The following MIPOL1 variants were observed in gnomAD, a reference collection of about 807,000 sequenced individuals.
The protein encoded by MIPOL1 is mirror-image polydactyly 1.
Under a neutral mutation model 60.9 loss-of-function variants are expected in MIPOL1, and 57 were observed. That is an observed-to-expected ratio of 0.94 (90% CI 0.76 to 1.17). MIPOL1 has a LOEUF of 1.17. Among genes scored for constraint, MIPOL1 ranks in the 50% most tolerant of loss-of-function variants. The probability of loss-of-function intolerance (pLI) is 0.00; values close to 1 mark genes in which losing one functional copy is unlikely to be tolerated. For synonymous variants in MIPOL1, 179 were observed against 168.8 expected (o/e 1.06, Z -0.47); for missense variants, 551 against 511.6 (o/e 1.08, Z -0.74).
intron 7 of MIPOL1, among the ~76,000 whole-genome samples, chr14:37,295,715 G>A (rs1257755372): frequency 2.0e-5 from 3 of 152,046 alleles, no homozygotes; most frequent in Admixed American, 1.3e-4. Flanking sequence ...GAAGGCCATT[G>A]CATAATGGTA....
At chr14:37,525,759 T>C (rs1443169582) in intron 12 of MIPOL1, among the ~76,000 whole-genome samples, 2 of 152,188 alleles carry the variant, frequency 1.3e-5, no homozygotes, top group Non-Finnish European at 2.9e-5. Flanking sequence ...ATAAAAGTAC[T>C]TTTTGTTTTT....
chr14:37,250,085 G>A (rs1396660960), intron 3 of MIPOL1, among the ~76,000 whole-genome samples: 1 of 152,126 alleles, frequency 6.6e-6, no homozygotes, highest in Non-Finnish European at 1.5e-5. Context: ...TGAAGATACA[G>A]ATGCATAGAC....
intron 10 of MIPOL1, among the ~76,000 whole-genome samples, chr14:37,379,657 A>G (rs997756153): frequency 2.6e-5 from 4 of 152,118 alleles, no homozygotes; most frequent in African/African-American, 9.7e-5. Context: ...AAGTATCAGA[A>G]CAGGCATATT....
At chr14:37,471,797 C>T (rs992891753) in intron 11 of MIPOL1, among the ~76,000 whole-genome samples, 1 of 152,058 alleles carries the variant, frequency 6.6e-6, no homozygotes, top group African/African-American at 2.4e-5. Flanking sequence ...TTTTCATCCA[C>T]CCTCCTTCAA....
intron 9 of MIPOL1, among the ~76,000 whole-genome samples, chr14:37,309,320 T>C (rs987651157): frequency 6.6e-6 from 1 of 151,928 alleles, no homozygotes; most frequent in Non-Finnish European, 1.5e-5. Context: ...TACCTCCAGC[T>C]CTGAAACTCA....
At position 37,430,215 on chromosome 14, in the gene MIPOL1, G is replaced by T. The variant is rs572472432; in HGVS notation, c.1031+7266G>T. Among the ~76,000 whole-genome samples, 779 of 151,796 alleles carry T rather than the reference G, an allele frequency of 5.1e-3. 4 individuals are homozygous for T. Among genetic ancestry groups the T allele is most frequent in the African/African-American group, 0.017 (691 of 41,450 alleles). On this transcript the variant is annotated intron_variant, in intron 11 of 12. Coordinates refer to ENST00000684589, the MANE Select transcript of MIPOL1 (RefSeq NM_001388067.1). ...TTTGGCATTAATCAGATTTTTTTTT[G>T]ATTACCGTAGACAAGTTTCAACTTT...
chr14:37,223,652 A>C (rs913959873), intron 1 of MIPOL1, among the ~76,000 whole-genome samples: 2 of 151,728 alleles, frequency 1.3e-5, no homozygotes, highest in Non-Finnish European at 2.9e-5. Flanking sequence ...ACAGGCATGT[A>C]CCACCACGCC....
At chr14:37,375,761 T>G (rs2092759678) in intron 10 of MIPOL1, among the ~76,000 whole-genome samples, 1 of 151,922 alleles carries the variant, frequency 6.6e-6, no homozygotes, top group African/African-American at 2.4e-5. Flanking sequence ...CTTCTCTTTC[T>G]TTTCTTTCTT....
intron 9 of MIPOL1, among the ~76,000 whole-genome samples, chr14:37,330,980 A>G (rs998733462): frequency 6.6e-6 from 1 of 152,128 alleles, no homozygotes; most frequent in Non-Finnish European, 1.5e-5. Flanking sequence ...TCCTTATGTC[A>G]AAAATGAGTG....
rs546807362 is a variant in MIPOL1, at chr14:37,432,320, A to G, written c.1031+9371A>G. ...GAATATGTGTCTTAACTCCCCTACT[A>G]GTGCTTCTGTTCTTTATGTATAGCA... On this transcript the variant is annotated intron_variant, in intron 11 of 12. Transcript: ENST00000684589. Among the ~76,000 whole-genome samples, 3 of 152,292 alleles carry G rather than the reference A, an allele frequency of 2.0e-5. No individual in the cohort carries two copies. The South Asian group carries it at 6.2e-4, about 32-fold the overall frequency.
intron 6 of MIPOL1, among the ~76,000 whole-genome samples, chr14:37,279,709 T>G (rs997242072): frequency 6.6e-6 from 1 of 152,146 alleles, no homozygotes; most frequent in African/African-American, 2.4e-5. Flanking sequence ...ATGTGATGTT[T>G]CAGTACATGT....
Position 37,488,941 on chromosome 14 carries a change from T to G in MIPOL1, c.1032-10967T>G, listed in dbSNP as rs530697235. Among the ~76,000 whole-genome samples, 484 of 152,286 alleles carry G rather than the reference T, an allele frequency of 3.2e-3. 2 individuals are homozygous for G. Among genetic ancestry groups the G allele is most frequent in the African/African-American group, 0.011 (459 of 41,558 alleles). On this transcript the variant is annotated intron_variant, in intron 11 of 12. Coordinates refer to ENST00000684589, the MANE Select transcript of MIPOL1 (RefSeq NM_001388067.1). ...TTGGGGTTGCTCTTCTCAAGGAATA[T>G]CTTTGTGGTGTTCTCTGTATTTTTT...
chr14:37,547,861 A>G lies in MIPOL1; in HGVS notation c.*890A>G, dbSNP rs1471627157. 6.6e-6 allele frequency: 1 copy of G among 152,082 alleles called. No homozygotes were observed. Among genetic ancestry groups the G allele is most frequent in the African/African-American group, 2.4e-5 (1 of 41,450 alleles). 9.4% of individuals were successfully genotyped at this position (152,082 alleles called of 1,614,324 possible). A position where few individuals can be genotyped will look rare whatever the true frequency, so the allele number is the denominator to read the frequency against. On this transcript the variant is annotated 3_prime_UTR_variant, in exon 13 of 13. Transcript: ENST00000684589. Reference sequence around the variant, plus strand: ...TTATTGTGGAGGAGGAGGATCTAATATATAATATTCAATACAATTGTAATG... The same window carrying G: ...TTATTGTGGAGGAGGAGGATCTAATGTATAATATTCAATACAATTGTAATG...
At chr14:37,343,319 G>A (rs1431943735) in intron 9 of MIPOL1, among the ~76,000 whole-genome samples, 1 of 152,072 alleles carries the variant, frequency 6.6e-6, no homozygotes, top group Non-Finnish European at 1.5e-5. Flanking sequence ...CCAAGTTATT[G>A]TAATGTGGAA....
At chr14:37,262,309 A>G (rs930218521) in intron 3 of MIPOL1, among the ~76,000 whole-genome samples, 1 of 152,114 alleles carries the variant, frequency 6.6e-6, no homozygotes, top group Non-Finnish European at 1.5e-5. Flanking sequence ...ACTAATATTC[A>G]TTAAAAAAAA....
intron 9 of MIPOL1, among the ~76,000 whole-genome samples, chr14:37,342,084 G>A (rs997356925): frequency 7.9e-5 from 12 of 152,258 alleles, no homozygotes; most frequent in African/African-American, 2.9e-4. Flanking sequence ...CATGTTGGCT[G>A]GGTGGAGTGG....
At chr14:37,535,399 T>C (rs111292500) in intron 12 of MIPOL1, among the ~76,000 whole-genome samples, 2,352 of 152,268 alleles carry the variant, frequency 0.015, 60 homozygotes, top group African/African-American at 0.053. Context: ...AATTTCAAGG[T>C]GTGAAGTAAC....
intron 1 of MIPOL1, among the ~76,000 whole-genome samples, chr14:37,208,685 CT>C (rs1966492866): frequency 6.6e-6 from 1 of 152,184 alleles, no homozygotes. Flanking sequence ...CCTCTGCCCC[CT>C]GGGTTCAAGT....
intron 6 of MIPOL1, among the ~76,000 whole-genome samples, chr14:37,284,931 A>G (rs1297971727): frequency 6.6e-6 from 1 of 152,224 alleles, no homozygotes; most frequent in Non-Finnish European, 1.5e-5. Context: ...GAATTTCTCT[A>G]GGCTATATAC....
Sources: gnomAD v4.1 joint callset for allele counts (sites outside exome capture counted in the v4.1 genomes callset) on GRCh38, gnomAD v4.1.1 for gene constraint, MANE v1.5 for transcripts, NCBI Gene and HGNC (gene_info 2026-07-23, HGNC 2026-07-21) for gene names.